Variants in CDH23 observed in about 807,000 individuals in gnomAD.
The protein encoded by CDH23 is cadherin related 23, also known as cadherin-23.
In CDH23, 189 loss-of-function variants were observed where a neutral mutation model predicts 317.1. That is an observed-to-expected ratio of 0.60 (90% CI 0.53 to 0.67). CDH23 has a LOEUF of 0.67. Among genes scored for constraint, CDH23 ranks in the 30% least tolerant of loss-of-function variants. The probability of loss-of-function intolerance (pLI) is 0.00; values close to 1 mark genes in which losing one functional copy is unlikely to be tolerated. For missense variants in CDH23, 4,401 were observed against 4,592.4 expected, an observed-to-expected ratio of 0.96 and a Z score of 1.20; for synonymous variants, 1,839 against 1,876.8, an observed-to-expected ratio of 0.98 and a Z score of 0.52.
At chr10:71,631,782 G>A (rs963494450) in intron 11 of CDH23, among the ~76,000 whole-genome samples, 3 of 152,196 alleles carry the variant, frequency 2.0e-5, no homozygotes, top group Admixed American at 1.3e-4. Context: ...AGATCACTCA[G>A]ATATGCTAAA....
At chr10:71,704,846 T>C (rs1394722226) in intron 24 of CDH23, 65 bp from the exon 25 acceptor site, 2 of 1,287,202 alleles carry the variant, frequency 1.6e-6, no homozygotes, top group African/African-American at 1.5e-5. Flanking sequence ...GGAGCACTTC[T>C]TGGGGGAGAA....
In CDH23 at chr10:71,805,842, G is replaced by A. The variant is rs1296248847; in HGVS notation, c.7909G>A (p.Ala2637Thr). The change falls in exon 56 of 70, where the codon GCC becomes ACC. Residue 2637 changes from alanine to threonine, a missense_variant. Physicochemically the swap from Ala to Thr is moderately conservative, Grantham distance 58. Transcript: ENST00000224721. ...GCGCTCCAACGTGTACGAGGTCTAC[G>A]CCACGGACAAGGATGAGGGCCTCAA... is the stretch of plus-strand genomic sequence containing the variant. ...PLRSNVYEVY[A>T]TDKDEGLNGA... 1.9e-6 allele frequency: 3 copies of A among 1,613,750 alleles called. No individual in the cohort carries two copies. Among genetic ancestry groups the A allele is most frequent in the Non-Finnish European group, 2.5e-6 (3 of 1,179,830 alleles).
intron 18 of CDH23, among the ~76,000 whole-genome samples, chr10:71,683,266 G>C (rs1325678211): frequency 6.6e-6 from 1 of 152,244 alleles, no homozygotes; most frequent in Admixed American, 6.5e-5. Context: ...CCATCTGTGG[G>C]AGACAGCGAA....
intron 1 of CDH23, among the ~76,000 whole-genome samples, chr10:71,412,728 T>A (rs1848392252): frequency 6.6e-6 from 1 of 152,228 alleles, no homozygotes; most frequent in Non-Finnish European, 1.5e-5. Flanking sequence ...GGTATCTCAC[T>A]GTGGTTTTGA....
At chr10:71,481,058 G>A (rs1344261456) in intron 3 of CDH23, among the ~76,000 whole-genome samples, 6 of 152,184 alleles carry the variant, frequency 3.9e-5, no homozygotes, top group African/African-American at 1.2e-4. Flanking sequence ...GAAACTTGGG[G>A]TGGGGTTGAG....
chr10:71,565,789 A>G (rs1302979046), intron 6 of CDH23, among the ~76,000 whole-genome samples: 1 of 152,202 alleles, frequency 6.6e-6, no homozygotes, highest in Non-Finnish European at 1.5e-5. Context: ...AGGATCAGAG[A>G]GATTATGTAA....
intron 3 of CDH23, among the ~76,000 whole-genome samples, chr10:71,468,122 GTCC>G (rs1217645409): frequency 1.3e-5 from 2 of 152,168 alleles, no homozygotes; most frequent in Non-Finnish European, 2.9e-5. Context: ...CTGGCCCCCT[GTCC>G]TCCTCTGTCC....
At chr10:71,747,758 G>A (rs1241204567) in intron 38 of CDH23, 1 of 152,300 alleles carries the variant, frequency 6.6e-6, no homozygotes, top group Non-Finnish European at 1.5e-5. Context: ...CAGCATGCAT[G>A]CTGCCACTTC....
At chr10:71,708,179 G>A (rs1282677310) in intron 26 of CDH23, among the ~76,000 whole-genome samples, 1 of 152,176 alleles carries the variant, frequency 6.6e-6, no homozygotes, top group Non-Finnish European at 1.5e-5. Flanking sequence ...GGGGAGCACT[G>A]GAGGTTTGGG....
At chr10:71,678,398 C>A (rs1216114410) in intron 16 of CDH23, among the ~76,000 whole-genome samples, 1 of 152,190 alleles carries the variant, frequency 6.6e-6, no homozygotes, top group African/African-American at 2.4e-5. Context: ...TCTCCAAGTG[C>A]TTCCTGCAGC....
intron 9 of CDH23, among the ~76,000 whole-genome samples, chr10:71,588,034 G>C (rs1859200498): frequency 6.6e-6 from 1 of 152,188 alleles, no homozygotes; most frequent in South Asian, 2.1e-4. Context: ...CTTAGCTGCT[G>C]CTGGAGCAGG....
At chr10:71,649,108 C>T (rs1863040756) in intron 14 of CDH23, among the ~76,000 whole-genome samples, 1 of 152,172 alleles carries the variant, frequency 6.6e-6, no homozygotes, top group East Asian at 1.9e-4. Flanking sequence ...CCCACCCTCC[C>T]CCCTTCCTCT....
chr10:71,507,212 G>A lies in CDH23; in HGVS notation c.146-2870G>A, dbSNP rs973874734. On this transcript the variant is annotated intron_variant, in intron 3 of 69. Coordinates refer to ENST00000224721, the MANE Select transcript of CDH23 (RefSeq NM_022124.6). ...ATTGTTGCACCTGGACAAGCAAGGC[G>A]CTTATGGGCCTCAGTTTCCCCATCT... Among the ~76,000 whole-genome samples, 7 of 152,164 alleles carry A rather than the reference G, an allele frequency of 4.6e-5. No individual in the cohort carries two copies. The East Asian group carries it at 1.2e-3, about 25-fold the overall frequency.
intron 9 of CDH23, among the ~76,000 whole-genome samples, chr10:71,604,082 C>T (rs1463385536): frequency 6.6e-6 from 1 of 152,146 alleles, no homozygotes. Context: ...CATTTAATCT[C>T]TCTGTGCCTC....
intron 47 of CDH23, among the ~76,000 whole-genome samples, chr10:71,792,245 TA>T (rs1451246113): frequency 6.6e-6 from 1 of 152,172 alleles, no homozygotes; most frequent in African/African-American, 2.4e-5. Context: ...CCAATTATTA[TA>T]ATCTGTATGT....
intron 41 of CDH23, among the ~76,000 whole-genome samples, chr10:71,780,047 C>G (rs1023996715): frequency 2.3e-4 from 35 of 152,238 alleles, no homozygotes; most frequent in African/African-American, 8.2e-4. Context: ...GTGGGGACTG[C>G]GCAGCCACAA....
intron 9 of CDH23, among the ~76,000 whole-genome samples, chr10:71,600,507 C>G (rs952561578): frequency 7.3e-5 from 11 of 150,828 alleles, no homozygotes; most frequent in African/African-American, 2.7e-4. Flanking sequence ...TTTGTTTGAC[C>G]GCAGAACTTT....
At chr10:71,759,473 T>C (rs1840239063) in intron 38 of CDH23, among the ~76,000 whole-genome samples, 1 of 151,810 alleles carries the variant, frequency 6.6e-6, no homozygotes, top group Non-Finnish European at 1.5e-5. Context: ...CACCACTGCA[T>C]TCCAGCCTGA....
intron 9 of CDH23, among the ~76,000 whole-genome samples, chr10:71,581,598 A>G (rs538347290): frequency 2.0e-5 from 3 of 152,244 alleles, no homozygotes; most frequent in Non-Finnish European, 2.9e-5. Context: ...AGAGGCCTTC[A>G]GCACTAAGTT....
Sources: allele counts gnomAD v4.1 joint callset (sites outside exome capture counted in the v4.1 genomes callset), GRCh38; gene constraint gnomAD v4.1.1; transcripts MANE v1.5; gene names NCBI Gene and HGNC (gene_info 2026-07-23, HGNC 2026-07-21).